Variants in VWA3B observed in about 807,000 individuals in gnomAD.
The protein encoded by VWA3B is von Willebrand factor A domain-containing protein 3B.
Under a neutral mutation model 158.3 loss-of-function variants are expected in VWA3B, and 138 were observed. That is an observed-to-expected ratio of 0.87 (90% confidence interval 0.76 to 1.00). VWA3B has a LOEUF of 1.00. Among genes scored for constraint, VWA3B ranks in the 50% least tolerant of loss-of-function variants. The probability of loss-of-function intolerance (pLI) is 0.00; values close to 1 mark genes in which losing one functional copy is unlikely to be tolerated. For missense variants in VWA3B, 1,555 were observed against 1,565.1 expected, an observed-to-expected ratio of 0.99 and a Z score of 0.11; for synonymous variants, 596 against 587.3, an observed-to-expected ratio of 1.01 and a Z score of -0.21.
chr2:98,288,308 G>T (rs1689282771), intron 22 of VWA3B, among the ~76,000 whole-genome samples: 1 of 152,152 alleles, frequency 6.6e-6, no homozygotes, highest in African/African-American at 2.4e-5. Flanking sequence ...TAGACTGCAA[G>T]CTCTGCCTTA....
intron 22 of VWA3B, among the ~76,000 whole-genome samples, chr2:98,278,539 G>A (rs1688667301): frequency 6.6e-6 from 1 of 150,866 alleles, no homozygotes. Context: ...GTGACTCTCA[G>A]CAGGATGGAG....
At chr2:98,330,464 TC>T in the VWA3B span, among the ~76,000 whole-genome samples, 1 of 152,196 alleles carries the variant, frequency 6.6e-6, no homozygotes, top group African/African-American at 2.4e-5. Context: ...GTGACTGAGA[TC>T]CTGAAAATCA....
Position 98,211,968 on chromosome 2 carries a change from T to A in VWA3B, c.1776T>A (p.Thr592=), listed in dbSNP as rs769058047. 49 of 1,614,192 alleles carry A rather than the reference T, an allele frequency of 3.0e-5. No individual in the cohort carries two copies. The highest frequency in any genetic ancestry group is 4.2e-5 in the Non-Finnish European group (49 of 1,180,022). Residue 592 remains threonine (T), a synonymous_variant, in exon 13 of 28, where the codon ACT becomes ACA. Transcript: ENST00000477737. ...CAAACACCCTGAGTGCCCTGAAAACTGCTTTTGCTGATAAAGAAACACAGG... is the reference window on the plus strand; with the variant it reads ...CAAACACCCTGAGTGCCCTGAAAACAGCTTTTGCTGATAAAGAAACACAGG... The part of the protein sequence containing the change: ...SSTNTLSALK[T]AFADKETQAI...
At chr2:98,330,289 G>A in the VWA3B span, among the ~76,000 whole-genome samples, 1 of 152,158 alleles carries the variant, frequency 6.6e-6, no homozygotes, top group Non-Finnish European at 1.5e-5. Context: ...TAAGGGCTGG[G>A]ATTTACTTGG....
At chr2:98,248,853 TTC>T (rs1335397885) in intron 19 of VWA3B, among the ~76,000 whole-genome samples, 1 of 24,240 alleles carries the variant, frequency 4.1e-5, no homozygotes, top group African/African-American at 5.3e-4. Flanking sequence ...CTTTCTTTCT[TTC>T]TTTCTTTCTT....
At chr2:98,187,869 TGGAGTGCTA>T in intron 9 of VWA3B, 97 bp from the exon 10 acceptor site, 1 of 1,159,866 alleles carries the variant, frequency 8.6e-7, no homozygotes, top group Non-Finnish European at 1.2e-6. Context: ...GACGGTAGAG[TGGAGTGCTA>T]GGAGCCACTT....
At chr2:98,172,462 T>C (rs908771710) in intron 8 of VWA3B, among the ~76,000 whole-genome samples, 1 of 152,194 alleles carries the variant, frequency 6.6e-6, no homozygotes, top group Non-Finnish European at 1.5e-5. Context: ...CTTCTGTCTC[T>C]GCACAGAATG....
intron 21 of VWA3B, among the ~76,000 whole-genome samples, chr2:98,269,101 A>G (rs904659939): frequency 2.6e-5 from 4 of 151,950 alleles, no homozygotes; most frequent in Non-Finnish European, 2.9e-5. Context: ...CCATTTCCTC[A>G]TATCTTTGTG....
chr2:98,180,672 C>T (rs2105348279), intron 8 of VWA3B, among the ~76,000 whole-genome samples: 1 of 152,372 alleles, frequency 6.6e-6, no homozygotes, highest in East Asian at 1.9e-4. Context: ...GAGCTTCTGA[C>T]TCCATCCTTA....
chr2:98,293,666 T>C (rs958280552), intron 23 of VWA3B, among the ~76,000 whole-genome samples: 1 of 152,186 alleles, frequency 6.6e-6, no homozygotes, highest in Non-Finnish European at 1.5e-5. Context: ...TTATGAACTC[T>C]TAGAAATTAG....
At chr2:98,115,101 C>CTTTTTTTTTTTTTTTT (rs369549458) in intron 2 of VWA3B, among the ~76,000 whole-genome samples, 1 of 131,644 alleles carries the variant, frequency 7.6e-6, no homozygotes. Flanking sequence ...TCCTATGTTG[C>CTTTTTTTTTTTTTTTT]TTTTTTTTTT....
chr2:98,092,682 G>A (rs1044346770), intron 1 of VWA3B, among the ~76,000 whole-genome samples: 1 of 150,930 alleles, frequency 6.6e-6, no homozygotes, highest in African/African-American at 2.4e-5. Flanking sequence ...CAACAACAAA[G>A]TAAACCCCAT....
chr2:98,243,459 G>A (rs543155246), intron 19 of VWA3B, among the ~76,000 whole-genome samples: 9 of 151,916 alleles, frequency 5.9e-5, no homozygotes, highest in Non-Finnish European at 7.4e-5. Context: ...TCAGCCTCCC[G>A]AGTAGCTGTG....
At chr2:98,131,885 A>T (rs1182000344) in intron 6 of VWA3B, among the ~76,000 whole-genome samples, 1 of 152,176 alleles carries the variant, frequency 6.6e-6, no homozygotes, top group Non-Finnish European at 1.5e-5. Flanking sequence ...AGGGCTAGAA[A>T]TTTTCATTGT....
chr2:98,295,445 C>T (rs1448839283), intron 23 of VWA3B, among the ~76,000 whole-genome samples: 1 of 152,226 alleles, frequency 6.6e-6, no homozygotes, highest in Non-Finnish European at 1.5e-5. Flanking sequence ...GCACCCGCAG[C>T]ATTTTTGCTG....
the VWA3B span, among the ~76,000 whole-genome samples, chr2:98,321,983 AAGTCTCATG>A: frequency 6.6e-6 from 1 of 152,226 alleles, no homozygotes; most frequent in East Asian, 1.9e-4. Context: ...TGATAGGGAT[AAGTCTCATG>A]AGAGCTGATG....
chr2:98,110,353 T>G (rs1674042953), intron 2 of VWA3B, among the ~76,000 whole-genome samples: 1 of 152,162 alleles, frequency 6.6e-6, no homozygotes, highest in Admixed American at 6.6e-5. Context: ...TATTTCCATT[T>G]TATTCTTCTT....
chr2:98,226,135 A>G (rs1359771118), intron 14 of VWA3B, among the ~76,000 whole-genome samples: 1 of 152,222 alleles, frequency 6.6e-6, no homozygotes, highest in African/African-American at 2.4e-5. Context: ...AACAATCTTG[A>G]AAAAGAAAAA....
At chr2:98,131,023 A>C (rs1675828416) in intron 6 of VWA3B, among the ~76,000 whole-genome samples, 1 of 151,890 alleles carries the variant, frequency 6.6e-6, no homozygotes, top group Admixed American at 6.6e-5. Context: ...ATTAGAGCCT[A>C]CTCCTTCTAT....
Sources: gnomAD v4.1 joint callset for allele counts (sites outside exome capture counted in the v4.1 genomes callset) on GRCh38, gnomAD v4.1.1 for gene constraint, MANE v1.5 for transcripts, NCBI Gene and HGNC (gene_info 2026-07-23, HGNC 2026-07-21) for gene names.